Variants in C10orf90 observed in about 807,000 individuals in gnomAD.
The protein encoded by C10orf90 is (E2-independent) E3 ubiquitin-conjugating enzyme FATS.
C10orf90 carries 56 observed loss-of-function variants against 62.5 expected under a neutral mutation model. The observed-to-expected ratio is 0.90, with a 90% confidence interval of 0.72 to 1.12. The LOEUF is 1.12. Ranked by LOEUF, C10orf90 falls within the 50% of genes most tolerant of loss-of-function variation. The pLI is 0.00. For missense variants in C10orf90, 970 were observed against 880.4 expected (o/e 1.10, Z -1.29); for synonymous variants, 386 against 340.4 (o/e 1.13, Z -1.47).
chr10:126,657,380 G>T, intron 1 of C10orf90, among the ~76,000 whole-genome samples: 1 of 152,210 alleles, frequency 6.6e-6, no homozygotes, highest in Middle Eastern at 3.4e-3. Context: ...TGACAATTCC[G>T]GGTTCTTCAT....
At chr10:126,467,351 C>T (rs1052467949) in intron 4 of C10orf90, among the ~76,000 whole-genome samples, 2 of 152,348 alleles carry the variant, frequency 1.3e-5, no homozygotes, top group African/African-American at 4.8e-5. Flanking sequence ...GTACAATCGT[C>T]AGCTGTGCAG....
chr10:126,535,896 T>A (rs1864222601), intron 2 of C10orf90, among the ~76,000 whole-genome samples: 1 of 152,152 alleles, frequency 6.6e-6, no homozygotes, highest in Non-Finnish European at 1.5e-5. Flanking sequence ...TGCTCAGGGT[T>A]TCTCTTCTCC....
intron 2 of C10orf90, among the ~76,000 whole-genome samples, chr10:126,518,830 T>A (rs1454481903): frequency 6.6e-6 from 1 of 151,996 alleles, no homozygotes; most frequent in African/African-American, 2.4e-5. Context: ...TCCCAGAGAC[T>A]ACAACCACCA....
rs183060250 is a variant in C10orf90, at chr10:126,482,664, A to G, written c.1535-17678T>C. Among the ~76,000 whole-genome samples the G allele has an allele frequency of 2.2e-4, 33 of 152,268 alleles. No homozygotes were observed. The East Asian group carries it at 6.2e-3, about 29-fold the overall frequency. On this transcript the variant is annotated intron_variant, in intron 4 of 9. Coordinates refer to ENST00000488181, the MANE Select transcript of C10orf90 (RefSeq NM_001350921.2). The stretch of plus-strand genomic sequence containing the variant: ...TATGACTTTTCCCTGGATTAAAATT[A>G]CACATTTTCCATTTCTGACATGACC...
intron 2 of C10orf90, among the ~76,000 whole-genome samples, chr10:126,525,710 A>G (rs973487949): frequency 6.6e-6 from 1 of 152,200 alleles, no homozygotes; most frequent in Non-Finnish European, 1.5e-5. Context: ...CACCACTGCC[A>G]TTATCCTGTG....
At position 126,627,000 on chromosome 10, in the gene C10orf90, C is replaced by CTTTTTTTTTTTTTTTTTTTT. The variant is rs61226052; in HGVS notation, c.313+19564_313+19565insAAAAAAAAAAAAAAAAAAAA. ...AGATTTTTCTTTTTCTTTTTCTTTTCTTTTTTTTTTTTTTTTTGAGACGTA... is the reference window on the plus strand; with the variant it reads ...AGATTTTTCTTTTTCTTTTTCTTTTCTTTTTTTTTTTTTTTTTTTTTTTTTTTTTTTTTTTTTGAGACGTA... On this transcript the variant is annotated intron_variant, in intron 2 of 9. Transcript: ENST00000488181. Among the ~76,000 whole-genome samples the CTTTTTTTTTTTTTTTTTTTT allele has an allele frequency of 2.1e-4, 25 of 119,494 alleles. 1 individual carries two copies. Among genetic ancestry groups the CTTTTTTTTTTTTTTTTTTTT allele is most frequent in the Non-Finnish European group, 2.7e-4 (16 of 58,362 alleles). The allele number at this position is 119,494 out of a possible 152,430, so 78.4% of individuals were successfully genotyped here.
intron 2 of C10orf90, among the ~76,000 whole-genome samples, chr10:126,547,550 G>A (rs531459033): frequency 4.2e-5 from 6 of 142,408 alleles, no homozygotes; most frequent in Non-Finnish European, 7.5e-5. Flanking sequence ...CAAACACACC[G>A]GACTTATCTG....
intron 7 of C10orf90, among the ~76,000 whole-genome samples, chr10:126,458,244 A>C (rs1859714458): frequency 6.6e-6 from 1 of 152,130 alleles, no homozygotes; most frequent in Non-Finnish European, 1.5e-5. Flanking sequence ...TCTGAGTTAT[A>C]CTCATGATTT....
At chr10:126,461,281 G>A (rs1859956145) in intron 6 of C10orf90, 120 bp downstream of exon 6, 1 of 1,166,360 alleles carries the variant, frequency 8.6e-7, no homozygotes, top group Non-Finnish European at 1.2e-6. Context: ...TCACACAGCT[G>A]CTACAAAGTG....
intron 2 of C10orf90, among the ~76,000 whole-genome samples, chr10:126,570,869 GA>G (rs538509321): frequency 2.0e-4 from 31 of 151,508 alleles, no homozygotes; most frequent in South Asian, 8.3e-4. Flanking sequence ...TCATTTAAAA[GA>G]AAAAAAAGTG....
chr10:126,427,570 G>C (rs1857332218), intron 8 of C10orf90, among the ~76,000 whole-genome samples: 1 of 152,186 alleles, frequency 6.6e-6, no homozygotes, highest in African/African-American at 2.4e-5. Flanking sequence ...CTGGAATAAA[G>C]CAGGAGGAAG....
chr10:126,444,837 G>A (rs1166142217), intron 7 of C10orf90, among the ~76,000 whole-genome samples: 1 of 152,070 alleles, frequency 6.6e-6, no homozygotes, highest in Non-Finnish European at 1.5e-5. Context: ...TAGAACAATG[G>A]AACAGAATAG....
intron 2 of C10orf90, among the ~76,000 whole-genome samples, chr10:126,559,824 A>G (rs535182131): frequency 6.6e-6 from 1 of 152,344 alleles, no homozygotes; most frequent in Non-Finnish European, 1.5e-5. Flanking sequence ...GCAAGTCAGG[A>G]ATATTTTTTC....
intron 2 of C10orf90, among the ~76,000 whole-genome samples, chr10:126,571,129 C>T (rs553945504): frequency 2.1e-3 from 325 of 152,340 alleles, no homozygotes; most frequent in African/African-American, 7.3e-3. Context: ...CAATTGGAAA[C>T]GTAAACGCAG....
intron 2 of C10orf90, among the ~76,000 whole-genome samples, chr10:126,584,937 C>T (rs991970239): frequency 3.3e-5 from 5 of 152,022 alleles, no homozygotes; most frequent in African/African-American, 1.2e-4. Context: ...GACACATACA[C>T]ATGCACTACC....
rs550053362 is a variant in C10orf90, at chr10:126,508,814, T to C, written c.406-3729A>G. ...CTTCCTCGTACTGTGGTCTCCAGTA[T>C]CAAGAGAGTACCTACTCTTCAGGCT... On this transcript the variant is annotated intron_variant, in intron 3 of 9. Coordinates refer to ENST00000488181, the MANE Select transcript of C10orf90 (RefSeq NM_001350921.2). 8.5e-5 allele frequency among the ~76,000 whole-genome samples: 13 copies of C among 152,212 alleles called. No individual in the cohort carries two copies. The East Asian group carries it at 2.3e-3, about 27-fold the overall frequency.
chr10:126,544,154 C>T (rs1296683778), intron 2 of C10orf90, among the ~76,000 whole-genome samples: 1 of 152,184 alleles, frequency 6.6e-6, no homozygotes, highest in Non-Finnish European at 1.5e-5. Flanking sequence ...GACAGAAACT[C>T]CCTGGGACCA....
chr10:126,483,871 C>T (rs889111919), intron 4 of C10orf90, among the ~76,000 whole-genome samples: 2 of 152,150 alleles, frequency 1.3e-5, no homozygotes, highest in Non-Finnish European at 2.9e-5. Context: ...TTCTGTTTGT[C>T]ATTCTCCAAG....
chr10:126,670,375 C>G lies in C10orf90; in HGVS notation c.106G>C (p.Glu36Gln). The change falls in exon 1 of 10, where the codon GAG becomes CAG. Residue 36 changes from glutamate to glutamine, a missense_variant. Transcript: ENST00000488181. ...ATGACCATCACATGGTTTTTCAACT[C>G]TGTACTAAATGTTTTTATCTGGAAA... ...RTFQIKTFST[E>Q]LKNHVMVMDF... is the part of the protein sequence containing the mutation. 6.6e-6 allele frequency: 3 copies of G among 456,746 alleles called. No homozygotes were observed. Among genetic ancestry groups the G allele is most frequent in the Non-Finnish European group, 1.3e-5 (3 of 226,982 alleles). The allele number at this position is 456,746 out of a possible 1,614,324, so 28.3% of individuals were successfully genotyped here.
Sources: allele counts gnomAD v4.1 joint callset (sites outside exome capture counted in the v4.1 genomes callset), GRCh38; gene constraint gnomAD v4.1.1; transcripts MANE v1.5; gene names NCBI Gene and HGNC (gene_info 2026-07-23, HGNC 2026-07-21).